Variants in GRIK5 observed in about 807,000 individuals in gnomAD.
GRIK5 encodes glutamate ionotropic receptor kainate type subunit 5, also known as glutamate receptor ionotropic, kainate 5.
Under a neutral mutation model 97.4 loss-of-function variants are expected in GRIK5, and 43 were observed. The ratio of observed to expected loss-of-function variants is 0.44; its 90% CI spans 0.35 to 0.57. GRIK5 has a LOEUF of 0.57. Ranked by LOEUF, GRIK5 falls within the 20% of genes least tolerant of loss-of-function variation. GRIK5 has a pLI of 0.01. For missense variants in GRIK5, 1,015 were observed against 1,382.0 expected (o/e 0.73, Z 4.21); for synonymous variants, 580 against 583.5 (o/e 0.99, Z 0.09).
rs1455594732 is a variant in GRIK5, at chr19:42,053,858, G to A, written c.1128C>T (p.Arg376=). The A allele has an allele frequency of 2.4e-5, 38 of 1,613,864 alleles. No individual in the cohort carries two copies. The highest frequency in any genetic ancestry group is 3.1e-5 in the Non-Finnish European group (37 of 1,179,836). Residue 376 remains arginine, a synonymous_variant, in exon 10 of 20, where the codon CGC becomes CGT. Transcript: ENST00000593562. ...SKGQRTNYTL[R]ILEKSRQGHR... is the part of the protein sequence containing the mutation. ...GGCCCTGCCGGGACTTTTCTAGGAT[G>A]CGCAGGGTGTAGTTGGTTCTCTGCC...
In GRIK5 at chr19:42,065,472, T is replaced by A; in HGVS notation, c.80-85A>T. On this transcript the variant is annotated intron_variant, in intron 2 of 19. Coordinates refer to ENST00000593562, the MANE Select transcript of GRIK5 (RefSeq NM_002088.5). The surrounding 1 kb of genome is among the most constrained non-coding windows in gnomAD (Gnocchi z 5.8). ...GGTCTTAGACTCCAGGGCTCTAGGGTGAGGTGGGTATACGGACCAGGGGTC... is the reference window on the plus strand; with the variant it reads ...GGTCTTAGACTCCAGGGCTCTAGGGAGAGGTGGGTATACGGACCAGGGGTC... The A allele has an allele frequency of 1.4e-6, 2 of 1,390,350 alleles. No homozygotes were observed. Among genetic ancestry groups the A allele is most frequent in the Non-Finnish European group, 1.9e-6 (2 of 1,026,228 alleles). 86.1% of individuals were successfully genotyped at this position (1,390,350 alleles called of 1,614,324 possible).
chr19:42,060,808 A>G lies in GRIK5; in HGVS notation c.509-1281T>C, dbSNP rs920521513. Among the ~76,000 whole-genome samples the G allele has an allele frequency of 5.3e-5, 8 of 150,616 alleles. 1 individual carries two copies. The highest frequency in any genetic ancestry group is 1.2e-4 in the Non-Finnish European group (8 of 67,732). On this transcript the variant is annotated intron_variant, in intron 5 of 19. Transcript: ENST00000593562. ...TCTCTATTCCAACATCACCTTCTCA[A>G]TGAGGCCCTCGCCCACCATTTCATT...
rs145666952 is a variant in GRIK5, at chr19:42,047,800, A to G, written c.1270-5045T>C. ...GCCTGGCCAATATGGTGAAACCCCT[A>G]TCTCTACTAAAAATACAAAAATCAG... is the stretch of plus-strand genomic sequence containing the variant. On this transcript the variant is annotated intron_variant, in intron 11 of 19. Transcript: ENST00000593562. Among the ~76,000 whole-genome samples the G allele has an allele frequency of 1.3e-3, 201 of 151,808 alleles. 4 individuals are homozygous for G. Among genetic ancestry groups the G allele is most frequent in the African/African-American group, 4.7e-3 (193 of 41,400 alleles).
chr19:41,999,016 C>T lies in GRIK5; in HGVS notation c.2798G>A (p.Cys933Tyr). The T allele has an allele frequency of 1.6e-6, 2 of 1,226,476 alleles. No homozygotes were observed. The highest frequency in any genetic ancestry group is 2.7e-5 in the South Asian group (1 of 37,690). 76.0% of individuals were successfully genotyped at this position (1,226,476 alleles called of 1,614,324 possible). A position where few individuals can be genotyped will look rare whatever the true frequency, so the allele number is the denominator to read the frequency against. Residue 933 changes from cysteine to tyrosine, a missense_variant, in exon 20 of 20, where the codon TGC (cysteine) becomes TAC (tyrosine). Cys to Tyr is a radical substitution (Grantham distance 194, BLOSUM62 -2). Transcript: ENST00000593562. This position sits in a 1 kb window ranked among gnomAD's most constrained non-coding sequence, Gnocchi z 5.0. ...CGCCTGGATGCGCCGGCACTCCTGG[C>T]AGACGCGCACGTGGGTGCAGGGGGT... ...APTPCTHVRV[C>Y]QECRRIQALR...
At chr19:42,027,560 G>A (rs1295677701) in intron 12 of GRIK5, among the ~76,000 whole-genome samples, 1 of 152,220 alleles carries the variant, frequency 6.6e-6, no homozygotes. Context: ...TGTCATATAG[G>A]AAGGTGTGAA....
chr19:42,065,892 A>G lies in GRIK5; in HGVS notation c.-50-72T>C, dbSNP rs1298845733. On this transcript the variant is annotated intron_variant, in intron 1 of 19. Coordinates refer to ENST00000593562, the MANE Select transcript of GRIK5 (RefSeq NM_002088.5). The surrounding 1 kb of genome is among the most constrained non-coding windows in gnomAD (Gnocchi z 5.8). Reference sequence around the variant, plus strand: ...ATGGAACCCCTTGGAGGCCTGCTGGATGGGGTGGTCACAGAAGCCTTGGGG... The same window carrying G: ...ATGGAACCCCTTGGAGGCCTGCTGGGTGGGGTGGTCACAGAAGCCTTGGGG... The G allele has an allele frequency of 7.9e-6, 6 of 758,530 alleles. No homozygotes were observed. The highest frequency in any genetic ancestry group is 3.4e-5 in the African/African-American group (2 of 58,110). 47.0% of individuals were successfully genotyped at this position (758,530 alleles called of 1,614,324 possible). A position where few individuals can be genotyped will look rare whatever the true frequency, so the allele number is the denominator to read the frequency against.
In GRIK5 at chr19:42,062,896, CT is replaced by C. The variant is rs1057093161; in HGVS notation, c.245-42del. ...AAGAGACCGCAGAGTCAGGGACCCC[CT>C]GCCTCCTCTCCTTCCCCATCCCTCA... On this transcript the variant is annotated intron_variant, in intron 3 of 19. Coordinates refer to ENST00000593562, the MANE Select transcript of GRIK5 (RefSeq NM_002088.5). This position sits in a 1 kb window ranked among gnomAD's most constrained non-coding sequence, Gnocchi z 5.3. 1 of 1,452,142 alleles carries C rather than the reference CT, an allele frequency of 6.9e-7. No homozygotes were observed. The highest frequency in any genetic ancestry group is 1.4e-5 in the African/African-American group (1 of 71,818). The allele number at this position is 1,452,142 out of a possible 1,614,324, so 90.0% of individuals were successfully genotyped here. A position where few individuals can be genotyped will look rare whatever the true frequency, so the allele number is the denominator to read the frequency against.
chr19:42,041,616 T>C (rs1158596939), intron 12 of GRIK5, among the ~76,000 whole-genome samples: 1 of 152,118 alleles, frequency 6.6e-6, no homozygotes, highest in Non-Finnish European at 1.5e-5. Flanking sequence ...CACTGCACCC[T>C]TGCCTGCCAC....
chr19:42,016,620 G>A (rs2075627486), intron 15 of GRIK5, among the ~76,000 whole-genome samples: 1 of 152,214 alleles, frequency 6.6e-6, no homozygotes, highest in African/African-American at 2.4e-5. Context: ...TGCACAAGGT[G>A]AGTTTGGAGA....
chr19:42,054,503 GATAAGAGGCTGCCTAGGCAGAGGAGCCCC>G, intron 8 of GRIK5, 31 bp from the exon 9 acceptor site: 1 of 1,603,570 alleles, frequency 6.2e-7, no homozygotes, highest in Non-Finnish European at 8.5e-7. Context: ...GGGTGGGATG[GATAAGAGGCTGCCTAGGCAGAGGAGCCCC>G]AAAGGCCCCT....
Position 42,021,652 on chromosome 19 carries a change from G to T in GRIK5, c.1698-178C>A, listed in dbSNP as rs567275530. On this transcript the variant is annotated intron_variant, in intron 14 of 19. Coordinates refer to ENST00000593562, the MANE Select transcript of GRIK5 (RefSeq NM_002088.5). The surrounding 1 kb of genome is among the most constrained non-coding windows in gnomAD (Gnocchi z 4.2). ...GAGATGCACAGAGATGGAGACAGAA[G>T]AGGCAGAGAGAGACACAGAGATACT... Among the ~76,000 whole-genome samples the T allele has an allele frequency of 6.6e-6, 1 of 152,122 alleles. No homozygotes were observed. The highest frequency in any genetic ancestry group is 1.5e-5 in the Non-Finnish European group (1 of 68,016).
intron 1 of GRIK5, 148 bp downstream of exon 1, chr19:42,069,093 T>C (rs575854162): frequency 8.4e-4 from 379 of 450,498 alleles, no homozygotes; most frequent in Non-Finnish European, 1.3e-3. Flanking sequence ...GCTGAGGAGA[T>C]GGAGGGCGCA....
chr19:42,056,892 T>TG (rs2076194109), intron 7 of GRIK5, 33 bp downstream of exon 7: 1 of 1,608,882 alleles, frequency 6.2e-7, no homozygotes, highest in Admixed American at 1.7e-5. Context: ...GGGAAGGAAG[T>TG]GGGGGCAGAG....
At chr19:42,061,164 C>T (rs1213582613) in intron 5 of GRIK5, among the ~76,000 whole-genome samples, 3 of 152,218 alleles carry the variant, frequency 2.0e-5, no homozygotes, top group African/African-American at 7.2e-5. Flanking sequence ...TCTCCTGCCT[C>T]AGCCTCCTGA....
chr19:42,003,776 C>T lies in GRIK5; in HGVS notation c.2264-93G>A. 1.5e-6 allele frequency: 2 copies of T among 1,373,504 alleles called. No homozygotes were observed. Among genetic ancestry groups the T allele is most frequent in the Non-Finnish European group, 1.9e-6 (2 of 1,033,654 alleles). 85.1% of individuals were successfully genotyped at this position (1,373,504 alleles called of 1,614,324 possible). A position where few individuals can be genotyped will look rare whatever the true frequency, so the allele number is the denominator to read the frequency against. On this transcript the variant is annotated intron_variant, in intron 17 of 19. Coordinates refer to ENST00000593562, the MANE Select transcript of GRIK5 (RefSeq NM_002088.5). This position sits in a 1 kb window ranked among gnomAD's most constrained non-coding sequence, Gnocchi z 4.2. ...ACTGTGCCCTCACCACGGCCTTCCC[C>T]CGCCTCTACCACGTGCCCAGGGTCT...
chr19:42,056,728 C>T lies in GRIK5; in HGVS notation c.837G>A (p.Glu279=). ...AGGACATGTTGAGGCTGCGGACAAACTCAGGGTAGAAGGGGTGGGACGTGT... is the reference window on the plus strand; with the variant it reads ...AGGACATGTTGAGGCTGCGGACAAATTCAGGGTAGAAGGGGTGGGACGTGT... ...MFNTSHPFYP[E]FVRSLNMSWR... The change falls in exon 8 of 20, where the codon GAG becomes GAA. Residue 279 remains glutamate (E), a synonymous_variant. Transcript: ENST00000593562. The T allele has an allele frequency of 6.2e-7, 1 of 1,614,138 alleles. No homozygotes were observed.
chr19:42,059,540 T>C lies in GRIK5; in HGVS notation c.509-13A>G. The C allele has an allele frequency of 6.2e-7, 1 of 1,603,108 alleles. No homozygotes were observed. Among genetic ancestry groups the C allele is most frequent in the Non-Finnish European group, 8.5e-7 (1 of 1,174,932 alleles). On this transcript the variant is annotated splice_polypyrimidine_tract_variant and intron_variant, in intron 5 of 19. Transcript: ENST00000593562. ...AATCGCAGCAGGCCTGAGGGAGGGG[T>C]GGGGCCTTGGGTTGGAGCCCTTCTG...
In GRIK5 at chr19:42,054,480, G is replaced by C; in HGVS notation, c.904-8C>G. On this transcript the variant is annotated splice_polypyrimidine_tract_variant and splice_region_variant and intron_variant, in intron 8 of 19. Transcript: ENST00000593562. ...CATCAGGGCGGCTGACAGCTGCGGT[G>C]GGACAGAGGCGGGGGTGGGATGGAT... 3.1e-6 allele frequency: 5 copies of C among 1,611,102 alleles called. No homozygotes were observed. Among genetic ancestry groups the C allele is most frequent in the Non-Finnish European group, 3.4e-6 (4 of 1,179,310 alleles).
At position 42,022,536 on chromosome 19, in the gene GRIK5, C is replaced by G; in HGVS notation, c.1474-182G>C. 3.0e-6 allele frequency: 3 copies of G among 985,094 alleles called. No homozygotes were observed. Among genetic ancestry groups the G allele is most frequent in the Non-Finnish European group, 3.6e-6 (3 of 829,862 alleles). 61.0% of individuals were successfully genotyped at this position (985,094 alleles called of 1,614,324 possible). A position where few individuals can be genotyped will look rare whatever the true frequency, so the allele number is the denominator to read the frequency against. On this transcript the variant is annotated intron_variant, in intron 12 of 19. Coordinates refer to ENST00000593562, the MANE Select transcript of GRIK5 (RefSeq NM_002088.5). The surrounding 1 kb of genome is among the most constrained non-coding windows in gnomAD (Gnocchi z 4.2). Reference sequence around the variant, plus strand: ...GCCCACCTTGGGCCTGAAATCGGACCCTCATCGCATGTCCATCCTCATCAT... The same window carrying G: ...GCCCACCTTGGGCCTGAAATCGGACGCTCATCGCATGTCCATCCTCATCAT...
Sources: allele counts gnomAD v4.1 joint callset (sites outside exome capture counted in the v4.1 genomes callset), GRCh38; gene constraint gnomAD v4.1.1; non-coding constraint Gnocchi (gnomAD v3.1); transcripts MANE v1.5; gene names NCBI Gene and HGNC (gene_info 2026-07-23, HGNC 2026-07-21).